MCTP2: variants seen among roughly 807,000 people sequenced by gnomAD.
The protein encoded by MCTP2 is multiple C2 and transmembrane domain-containing protein 2.
MCTP2 carries 132 observed loss-of-function variants against 111.6 expected under a neutral mutation model. That is an observed-to-expected ratio of 1.18 (90% CI 1.03 to 1.37). The LOEUF (loss-of-function observed/expected upper bound fraction) is 1.37, where lower values mean the gene tolerates loss of function less well. Among genes scored for constraint, MCTP2 ranks in the 40% most tolerant of loss-of-function variants. MCTP2 has a pLI of 0.00. For synonymous variants in MCTP2, 395 were observed against 387.7 expected (o/e 1.02, Z -0.22); for missense variants, 1,183 against 1,067.9 (o/e 1.11, Z -1.50).
At chr15:94,233,461 T>A (rs1280823628) in intron 1 of MCTP2, among the ~76,000 whole-genome samples, 2 of 152,162 alleles carry the variant, frequency 1.3e-5, no homozygotes, top group African/African-American at 4.8e-5. Context: ...TTTACTATGG[T>A]CTCCTCCTGC....
chr15:94,268,345 T>G (rs1272162386), intron 1 of MCTP2, among the ~76,000 whole-genome samples: 1 of 34,530 alleles, frequency 2.9e-5, no homozygotes, highest in African/African-American at 1.3e-4. Context: ...CATACCTGGC[T>G]AATTTTTTTT....
intron 1 of MCTP2, among the ~76,000 whole-genome samples, chr15:94,244,183 T>A (rs1230940293): frequency 6.8e-6 from 1 of 147,116 alleles, no homozygotes; most frequent in Non-Finnish European, 1.5e-5. Flanking sequence ...CATACGTATG[T>A]GTATATGTTT....
At chr15:94,404,753 A>G (rs1218096098) in intron 17 of MCTP2, among the ~76,000 whole-genome samples, 1 of 151,948 alleles carries the variant, frequency 6.6e-6, no homozygotes, top group African/African-American at 2.4e-5. Flanking sequence ...TTGCACACCT[A>G]GGGGGCTGCC....
chr15:94,418,134 TTA>T (rs2082459418), intron 17 of MCTP2, among the ~76,000 whole-genome samples: 1 of 152,120 alleles, frequency 6.6e-6, no homozygotes, highest in Non-Finnish European at 1.5e-5. Context: ...GTCGTAAGTG[TTA>T]TGTTTAAGCT....
chr15:94,243,676 T>C (rs949033355), intron 1 of MCTP2, among the ~76,000 whole-genome samples: 10 of 148,802 alleles, frequency 6.7e-5, no homozygotes, highest in African/African-American at 2.2e-4. Flanking sequence ...TATATACACA[T>C]ATATGTATAC....
intron 17 of MCTP2, among the ~76,000 whole-genome samples, chr15:94,409,787 A>G (rs2152484294): frequency 6.6e-6 from 1 of 151,718 alleles, no homozygotes; most frequent in Non-Finnish European, 1.5e-5. Flanking sequence ...ACTGCTAGAT[A>G]TTGAAATGCA....
At chr15:94,301,037 G>A (rs911187283) in intron 2 of MCTP2, among the ~76,000 whole-genome samples, 4 of 152,136 alleles carry the variant, frequency 2.6e-5, no homozygotes, top group African/African-American at 9.7e-5. Context: ...GCTTAGAATA[G>A]GCAGATTCCT....
At chr15:94,416,310 C>T (rs191570851) in intron 17 of MCTP2, among the ~76,000 whole-genome samples, 32 of 151,796 alleles carry the variant, frequency 2.1e-4, no homozygotes, top group African/African-American at 2.7e-4. Flanking sequence ...TCACACTTTT[C>T]GGCTGACGGC....
intron 17 of MCTP2, among the ~76,000 whole-genome samples, chr15:94,429,413 C>T (rs535733473): frequency 5.9e-5 from 9 of 152,256 alleles, no homozygotes; most frequent in Admixed American, 2.6e-4. Flanking sequence ...CAATTTTCCC[C>T]GTTCTCTCAA....
At chr15:94,455,249 CAT>C (rs1156380337) in intron 19 of MCTP2, among the ~76,000 whole-genome samples, 1 of 152,190 alleles carries the variant, frequency 6.6e-6, no homozygotes, top group Non-Finnish European at 1.5e-5. Context: ...AATGTTCTAA[CAT>C]ATTGTCTTAA....
chr15:94,286,599 A>T (rs921618122), intron 1 of MCTP2, among the ~76,000 whole-genome samples: 16 of 152,204 alleles, frequency 1.1e-4, no homozygotes, highest in African/African-American at 3.9e-4. Context: ...AATGCTCTGT[A>T]AAATTATGCT....
chr15:94,329,743 A>G (rs1376857143), intron 4 of MCTP2, among the ~76,000 whole-genome samples: 2 of 152,228 alleles, frequency 1.3e-5, no homozygotes, highest in Non-Finnish European at 2.9e-5. Flanking sequence ...ACCATATCAC[A>G]TAGTGAAATG....
rs182146829 is a variant in MCTP2 at position 94,479,987 on chromosome 15, G to A, written c.*953G>A. The A allele has an allele frequency of 1.3e-5, 2 of 152,056 alleles. No individual in the cohort carries two copies. Among genetic ancestry groups the A allele is most frequent in the East Asian group, 3.9e-4 (2 of 5,180 alleles). 9.4% of individuals were successfully genotyped at this position (152,056 alleles called of 1,614,324 possible). A position where few individuals can be genotyped will look rare whatever the true frequency, so the allele number is the denominator to read the frequency against. ...TTAAGCAGGAAGTAGAAATACTTTG[G>A]CTGCCCAAATGTATCTTTTGTTCCT... On this transcript the variant is annotated 3_prime_UTR_variant, in exon 23 of 23. Transcript: ENST00000357742.
intron 2 of MCTP2, among the ~76,000 whole-genome samples, chr15:94,312,063 A>G (rs1040343490): frequency 1.1e-4 from 16 of 152,208 alleles, no homozygotes; most frequent in African/African-American, 3.6e-4. Flanking sequence ...TTATCTTCAA[A>G]ATGGGATTGG....
intron 17 of MCTP2, among the ~76,000 whole-genome samples, chr15:94,411,490 C>T (rs1007978518): frequency 6.6e-6 from 1 of 152,144 alleles, no homozygotes; most frequent in Non-Finnish European, 1.5e-5. Context: ...TAATTAGACC[C>T]ACCACAGGTG....
chr15:94,243,441 ATACGTATGCGTACATG>A (rs2071272378), intron 1 of MCTP2, among the ~76,000 whole-genome samples: 1 of 148,904 alleles, frequency 6.7e-6, no homozygotes. Flanking sequence ...ATGTACATAC[ATACGTATGCGTACATG>A]CGTATGCGTA....
chr15:94,406,349 A>C (rs1026060601), intron 17 of MCTP2, among the ~76,000 whole-genome samples: 11 of 152,204 alleles, frequency 7.2e-5, no homozygotes, highest in African/African-American at 2.7e-4. Flanking sequence ...ATCTTGCTTT[A>C]GTCTGTGCAG....
intron 2 of MCTP2, among the ~76,000 whole-genome samples, chr15:94,311,419 AAGTT>A (rs1168293258): frequency 6.6e-6 from 1 of 152,190 alleles, no homozygotes; most frequent in Non-Finnish European, 1.5e-5. Context: ...TGAAAAAAGT[AAGTT>A]AGTGATGTAG....
At chr15:94,330,699 T>C (rs1015826585) in intron 4 of MCTP2, among the ~76,000 whole-genome samples, 3 of 151,696 alleles carry the variant, frequency 2.0e-5, no homozygotes, top group African/African-American at 7.3e-5. Flanking sequence ...CTTATTGGGG[T>C]GACCAAGAAT....
Sources: allele counts gnomAD v4.1 joint callset (sites outside exome capture counted in the v4.1 genomes callset), GRCh38; gene constraint gnomAD v4.1.1; transcripts MANE v1.5; gene names NCBI Gene and HGNC (gene_info 2026-07-23, HGNC 2026-07-21).